The following DDR2 variants were observed in gnomAD, a reference collection of about 807,000 sequenced individuals.
The protein encoded by DDR2 is discoidin domain receptor tyrosine kinase 2, also known as discoidin domain-containing receptor 2.
In DDR2, 27 loss-of-function variants were observed where a neutral mutation model predicts 94.9. The observed-to-expected ratio is 0.28, with a 90% CI of 0.21 to 0.39. DDR2 has a LOEUF of 0.39. Ranked by LOEUF, DDR2 falls within the 10% of genes least tolerant of loss-of-function variation. The pLI is 1.00. For missense variants in DDR2, 783 were observed against 1,076.0 expected, an observed-to-expected ratio of 0.73 and a Z score of 3.81; for synonymous variants, 382 against 377.2, an observed-to-expected ratio of 1.01 and a Z score of -0.15.
chr1:162,748,164 T>C (rs1662979627), intron 3 of DDR2, among the ~76,000 whole-genome samples: 1 of 152,174 alleles, frequency 6.6e-6, no homozygotes, highest in Non-Finnish European at 1.5e-5. Flanking sequence ...TAACCTTAAA[T>C]GTAAATGGGC....
At chr1:162,776,022 G>T in intron 15 of DDR2, 114 bp from the exon 16 acceptor site, 1 of 1,303,250 alleles carries the variant, frequency 7.7e-7, no homozygotes, top group Non-Finnish European at 1.1e-6. Context: ...ATCAAGAGTA[G>T]AGAAAGAATG....
chr1:162,747,207 T>C (rs890152337), intron 3 of DDR2, among the ~76,000 whole-genome samples: 19 of 152,048 alleles, frequency 1.2e-4, no homozygotes, highest in African/African-American at 4.6e-4. Flanking sequence ...ATATCAGTAA[T>C]AACAAACTTC....
chr1:162,676,976 G>A (rs914835449), intron 2 of DDR2, among the ~76,000 whole-genome samples: 1 of 152,164 alleles, frequency 6.6e-6, no homozygotes, highest in Non-Finnish European at 1.5e-5. Context: ...AGAAATAAAA[G>A]GGTTTAAAGT....
intron 14 of DDR2, 121 bp from the exon 15 acceptor site, chr1:162,775,531 T>C (rs2102194508): frequency 5.5e-6 from 6 of 1,083,114 alleles, no homozygotes; most frequent in South Asian, 5.2e-5. Flanking sequence ...CTCTCAAAAG[T>C]TATCCAAAGG....
chr1:162,642,369 T>C (rs1457145702), intron 1 of DDR2, among the ~76,000 whole-genome samples: 1 of 150,848 alleles, frequency 6.6e-6, no homozygotes, highest in Non-Finnish European at 1.5e-5. Context: ...ACCTCCCAGG[T>C]TCAAGCGATT....
At chr1:162,771,944 C>T in intron 12 of DDR2, 80 bp from the exon 13 acceptor site, 2 of 1,450,362 alleles carry the variant, frequency 1.4e-6, no homozygotes, top group Non-Finnish European at 1.9e-6. Flanking sequence ...CATGTTTTAG[C>T]CCTCCTCTCA....
At position 162,784,124 on chromosome 1, in the gene DDR2, A is replaced by G. The variant is rs1295642066; in HGVS notation, c.*3878A>G. 2.0e-5 allele frequency: 3 copies of G among 152,208 alleles called. No individual in the cohort carries two copies. The highest frequency in any genetic ancestry group is 3.8e-4 in the East Asian group (2 of 5,198). 9.4% of individuals were successfully genotyped at this position (152,208 alleles called of 1,614,324 possible). On this transcript the variant is annotated 3_prime_UTR_variant, in exon 18 of 18. Coordinates refer to ENST00000367921, the MANE Select transcript of DDR2 (RefSeq NM_006182.4). ...AACAGATATGCACCATGTTGGAAAC[A>G]TGTGTTTTCCTAGTCCCATCCAGGC...
intron 1 of DDR2, among the ~76,000 whole-genome samples, chr1:162,644,865 G>T (rs1657330232): frequency 1.3e-5 from 2 of 152,098 alleles, no homozygotes; most frequent in African/African-American, 4.8e-5. Flanking sequence ...CAAAGTGCTG[G>T]GATTACAGGC....
At chr1:162,699,840 C>A (rs909370097) in intron 2 of DDR2, among the ~76,000 whole-genome samples, 2 of 152,118 alleles carry the variant, frequency 1.3e-5, no homozygotes, top group African/African-American at 4.8e-5. Context: ...CAGTAAAATT[C>A]TTAGACATAA....
intron 4 of DDR2, 87 bp from the exon 5 acceptor site, chr1:162,754,537 G>A: frequency 7.3e-7 from 1 of 1,366,162 alleles, no homozygotes; most frequent in Middle Eastern, 2.1e-4. Context: ...TCTCCCCTCA[G>A]TACAGGGCAG....
intron 2 of DDR2, among the ~76,000 whole-genome samples, chr1:162,656,467 G>A (rs543624224): frequency 6.6e-6 from 1 of 152,226 alleles, no homozygotes; most frequent in East Asian, 1.9e-4. Context: ...ATGCCTCGCT[G>A]CTCTTTAGCT....
intron 2 of DDR2, among the ~76,000 whole-genome samples, chr1:162,709,320 G>A (rs1660792010): frequency 6.6e-6 from 1 of 152,190 alleles, no homozygotes; most frequent in African/African-American, 2.4e-5. Flanking sequence ...AAGAAGGTAT[G>A]GGTGGCTCAG....
intron 2 of DDR2, among the ~76,000 whole-genome samples, chr1:162,698,618 G>A (rs1489240574): frequency 6.6e-6 from 1 of 152,112 alleles, no homozygotes; most frequent in African/African-American, 2.4e-5. Context: ...ACCTCTGCCT[G>A]CCTCTCCCCT....
intron 2 of DDR2, among the ~76,000 whole-genome samples, chr1:162,703,340 T>C (rs999046049): frequency 1.3e-5 from 2 of 152,134 alleles, no homozygotes; most frequent in African/African-American, 4.8e-5. Context: ...TCAACATCAA[T>C]GAGGAGTTCA....
chr1:162,714,436 T>C (rs1459528045), intron 2 of DDR2, among the ~76,000 whole-genome samples: 1 of 152,204 alleles, frequency 6.6e-6, no homozygotes, highest in Non-Finnish European at 1.5e-5. Flanking sequence ...TTTTGTGAGG[T>C]GTAGATATAC....
At chr1:162,653,446 G>A (rs1260986221) in intron 1 of DDR2, among the ~76,000 whole-genome samples, 3 of 151,976 alleles carry the variant, frequency 2.0e-5, no homozygotes, top group Admixed American at 6.6e-5. Flanking sequence ...GCATGGTGGC[G>A]AGTGCCTGTA....
intron 2 of DDR2, among the ~76,000 whole-genome samples, chr1:162,707,922 T>C (rs1431207353): frequency 2.0e-5 from 3 of 152,330 alleles, no homozygotes; most frequent in Non-Finnish European, 4.4e-5. Flanking sequence ...TCTACACTGA[T>C]AGAAAAGTGT....
intron 7 of DDR2, among the ~76,000 whole-genome samples, chr1:162,756,497 T>C (rs1364255727): frequency 6.6e-6 from 1 of 152,210 alleles, no homozygotes; most frequent in Non-Finnish European, 1.5e-5. Context: ...CTTTAAGCCT[T>C]GCCATTCTTC....
intron 1 of DDR2, 134 bp downstream of exon 1, chr1:162,632,765 G>A (rs1656619901): frequency 6.6e-6 from 1 of 152,172 alleles, no homozygotes; most frequent in Non-Finnish European, 1.5e-5. Context: ...GACAAGGAAG[G>A]GAACGTAATG....
Sources: allele counts gnomAD v4.1 joint callset (sites outside exome capture counted in the v4.1 genomes callset), GRCh38; gene constraint gnomAD v4.1.1; transcripts MANE v1.5; gene names NCBI Gene and HGNC (gene_info 2026-07-23, HGNC 2026-07-21).